Variants in STX11 observed in about 807,000 individuals in gnomAD.
STX11 encodes the protein syntaxin 11.
Under a neutral mutation model 19.9 loss-of-function variants are expected in STX11, and 21 were observed. The ratio of observed to expected loss-of-function variants is 1.06; its 90% CI spans 0.75 to 1.52. STX11 has a LOEUF of 1.52. Ranked by LOEUF, STX11 falls within the 40% of genes most tolerant of loss-of-function variation. The pLI is 0.00. For synonymous variants in STX11, 193 were observed against 174.4 expected, an observed-to-expected ratio of 1.11 and a Z score of -0.84; for missense variants, 438 against 405.9, an observed-to-expected ratio of 1.08 and a Z score of -0.68.
rs778785067 is a variant in STX11 at position 144,191,500 on chromosome 6, C to G, written c.*4009C>G. Among the ~76,000 whole-genome samples, 36 of 147,736 alleles carry G rather than the reference C, an allele frequency of 2.4e-4. No individual in the cohort carries two copies. The highest frequency in any genetic ancestry group is 4.6e-4 in the Non-Finnish European group (31 of 67,336). On this transcript the variant is annotated 3_prime_UTR_variant, in exon 2 of 2. Transcript: ENST00000367568. ...AGGCTCTAACATATAAAGTTCCTAA[C>G]TTGACAGGAAACTACTGAAGATTGT... is the stretch of plus-strand genomic sequence containing the variant.
In STX11 at chr6:144,175,690, A is replaced by G. The variant is rs1801762159; in HGVS notation, c.-5-10933A>G. 6.6e-6 allele frequency among the ~76,000 whole-genome samples: 1 copy of G among 152,208 alleles called. No individual in the cohort carries two copies. The highest frequency in any genetic ancestry group is 2.1e-4 in the South Asian group (1 of 4,830). On this transcript the variant is annotated intron_variant, in intron 1 of 1. Transcript: ENST00000367568. The surrounding 1 kb of genome is among the most constrained non-coding windows in gnomAD (Gnocchi z 5.1). The stretch of plus-strand genomic sequence containing the variant: ...ATCTTTACAGTGAAGGCACTGTGCA[A>G]GCTAGTCATTACAGGCTTTTTCTGC...
Position 144,167,485 on chromosome 6 carries a change from A to G in STX11, c.-6+16782A>G, listed in dbSNP as rs1801514110. ...GCATGACAAAGTTTATGTACATTGAACCATCAGAAAACAAAGGTGTCACTA... is the reference window on the plus strand; with the variant it reads ...GCATGACAAAGTTTATGTACATTGAGCCATCAGAAAACAAAGGTGTCACTA... On this transcript the variant is annotated intron_variant, in intron 1 of 1. Coordinates refer to ENST00000367568, the MANE Select transcript of STX11 (RefSeq NM_003764.4). This position sits in a 1 kb window ranked among gnomAD's most constrained non-coding sequence, Gnocchi z 5.0. Among the ~76,000 whole-genome samples, 1 of 152,272 alleles carries G rather than the reference A, an allele frequency of 6.6e-6. No individual in the cohort carries two copies. Among genetic ancestry groups the G allele is most frequent in the East Asian group, 1.9e-4 (1 of 5,206 alleles).
chr6:144,147,706 T>A (rs1162624734), upstream of STX11, among the ~76,000 whole-genome samples: 1 of 152,132 alleles, frequency 6.6e-6, no homozygotes, highest in Non-Finnish European at 1.5e-5. This position sits in a 1 kb window ranked among gnomAD's most constrained non-coding sequence, Gnocchi z 4.2. Context: ...TTCCTCCCCA[T>A]CCACAATTTA....
the STX11 span, among the ~76,000 whole-genome samples, chr6:144,145,048 T>C: frequency 4.2e-5 from 6 of 144,034 alleles, no homozygotes; most frequent in Non-Finnish European, 6.4e-5. Context: ...TTTCTGGGTA[T>C]ATACCCCCCA....
At chr6:144,148,071 C>T (rs993432967), upstream of STX11, among the ~76,000 whole-genome samples, 2 of 152,166 alleles carry the variant, frequency 1.3e-5, no homozygotes, top group African/African-American at 2.4e-5. Context: ...TTAATCTGTC[C>T]TCAACAAAAC....
In STX11 at chr6:144,151,595, A is replaced by G. The variant is rs1801008699; in HGVS notation, c.-6+892A>G. Reference sequence around the variant, plus strand: ...AAGGCGCCTGATGTTACAACATGCCAGTAAAGGTCACTGGGCTGATCTAAG... The same window carrying G: ...AAGGCGCCTGATGTTACAACATGCCGGTAAAGGTCACTGGGCTGATCTAAG... On this transcript the variant is annotated intron_variant, in intron 1 of 1. Coordinates refer to ENST00000367568, the MANE Select transcript of STX11 (RefSeq NM_003764.4). This position sits in a 1 kb window ranked among gnomAD's most constrained non-coding sequence, Gnocchi z 4.6. Among the ~76,000 whole-genome samples the G allele has an allele frequency of 6.6e-6, 1 of 152,254 alleles. No individual in the cohort carries two copies. Among genetic ancestry groups the G allele is most frequent in the Admixed American group, 6.5e-5 (1 of 15,286 alleles).
chr6:144,141,209 G>C, the STX11 span, among the ~76,000 whole-genome samples: 1 of 152,170 alleles, frequency 6.6e-6, no homozygotes, highest in Non-Finnish European at 1.5e-5. Context: ...ATTATCTCTA[G>C]ATCAGATTTT....
At position 144,175,777 on chromosome 6, in the gene STX11, A is replaced by C. The variant is rs886925131; in HGVS notation, c.-5-10846A>C. ...GGTTGATTAAGGAAGGAACACAGTA[A>C]GTAGCTGCTCCTTACCCACCTGACT... On this transcript the variant is annotated intron_variant, in intron 1 of 1. Transcript: ENST00000367568. This position sits in a 1 kb window ranked among gnomAD's most constrained non-coding sequence, Gnocchi z 5.1. Among the ~76,000 whole-genome samples, 1 of 152,230 alleles carries C rather than the reference A, an allele frequency of 6.6e-6. No individual in the cohort carries two copies. The highest frequency in any genetic ancestry group is 2.4e-5 in the African/African-American group (1 of 41,458).
rs922675881 is a variant in STX11, at chr6:144,167,802, T to C, written c.-6+17099T>C. ...CTCGGCTAATTATTGTAGTTTGTTGTAGAGGTGGGGTTTCACCATGTTATC... is the reference window on the plus strand; with the variant it reads ...CTCGGCTAATTATTGTAGTTTGTTGCAGAGGTGGGGTTTCACCATGTTATC... On this transcript the variant is annotated intron_variant, in intron 1 of 1. Coordinates refer to ENST00000367568, the MANE Select transcript of STX11 (RefSeq NM_003764.4). This position sits in a 1 kb window ranked among gnomAD's most constrained non-coding sequence, Gnocchi z 5.0. Among the ~76,000 whole-genome samples the C allele has an allele frequency of 6.6e-6, 1 of 152,096 alleles. No homozygotes were observed. The highest frequency in any genetic ancestry group is 2.4e-5 in the African/African-American group (1 of 41,418).
At chr6:144,161,254 A>G (rs952486920) in intron 1 of STX11, among the ~76,000 whole-genome samples, 1 of 152,234 alleles carries the variant, frequency 6.6e-6, no homozygotes, top group Non-Finnish European at 1.5e-5. Flanking sequence ...TAGAGGATGA[A>G]ACGTATTCCT....
Position 144,160,699 on chromosome 6 carries a change from G to A in STX11, c.-6+9996G>A, listed in dbSNP as rs4142550. Reference sequence around the variant, plus strand: ...GCAGCACTTACTAGATGTAGGTGGAGTTATGTAATCCTCTGCTGTGTCCCA... The same window carrying A: ...GCAGCACTTACTAGATGTAGGTGGAATTATGTAATCCTCTGCTGTGTCCCA... On this transcript the variant is annotated intron_variant, in intron 1 of 1. Transcript: ENST00000367568. The surrounding 1 kb of genome is among the most constrained non-coding windows in gnomAD (Gnocchi z 4.3). Among the ~76,000 whole-genome samples the A allele has an allele frequency of 0.066, 9,987 of 152,216 alleles. 468 individuals are homozygous for A. Among genetic ancestry groups the A allele is most frequent in the East Asian group, 0.23 (1,166 of 5,170 alleles).
Position 144,174,106 on chromosome 6 carries a change from G to C in STX11, c.-5-12517G>C, listed in dbSNP as rs17073472. ...TTTTGTTAGGTTAGCTGGTGGTTGT[G>C]CTCAGCCTCGAGTACTGCTCAGCTG... On this transcript the variant is annotated intron_variant, in intron 1 of 1. Coordinates refer to ENST00000367568, the MANE Select transcript of STX11 (RefSeq NM_003764.4). This position sits in a 1 kb window ranked among gnomAD's most constrained non-coding sequence, Gnocchi z 5.3. Among the ~76,000 whole-genome samples the C allele has an allele frequency of 0.082, 12,477 of 152,220 alleles. 781 individuals carry two copies. Among genetic ancestry groups the C allele is most frequent in the East Asian group, 0.25 (1,299 of 5,174 alleles).
In STX11 at chr6:144,155,146, C is replaced by A. The variant is rs9496886; in HGVS notation, c.-6+4443C>A. Reference sequence around the variant, plus strand: ...GACTGTCTGAAGATTCCCAGAGCTTCAACCATTATGTCCACAAAGCTGCCT... The same window carrying A: ...GACTGTCTGAAGATTCCCAGAGCTTAAACCATTATGTCCACAAAGCTGCCT... On this transcript the variant is annotated intron_variant, in intron 1 of 1. Coordinates refer to ENST00000367568, the MANE Select transcript of STX11 (RefSeq NM_003764.4). This position sits in a 1 kb window ranked among gnomAD's most constrained non-coding sequence, Gnocchi z 4.5. Among the ~76,000 whole-genome samples the A allele has an allele frequency of 0.054, 8,173 of 152,248 alleles. 691 individuals are homozygous for A. The highest frequency in any genetic ancestry group is 0.18 in the African/African-American group (7,449 of 41,494).
At position 144,180,567 on chromosome 6, in the gene STX11, G is replaced by A. The variant is rs945760512; in HGVS notation, c.-5-6056G>A. Among the ~76,000 whole-genome samples the A allele has an allele frequency of 3.6e-4, 54 of 152,056 alleles. No homozygotes were observed. The highest frequency in any genetic ancestry group is 1.3e-3 in the African/African-American group (52 of 41,406). On this transcript the variant is annotated intron_variant, in intron 1 of 1. Coordinates refer to ENST00000367568, the MANE Select transcript of STX11 (RefSeq NM_003764.4). This position sits in a 1 kb window ranked among gnomAD's most constrained non-coding sequence, Gnocchi z 5.3. ...TTTTGCTCCTTCCTCATTTTCTCTT[G>A]CCACCACAATGTAAGAAGTGCCTTT...
intron 1 of STX11, among the ~76,000 whole-genome samples, chr6:144,185,468 TA>T (rs1359330794): frequency 6.6e-6 from 1 of 152,226 alleles, no homozygotes; most frequent in Non-Finnish European, 1.5e-5. Flanking sequence ...TACATGCTAC[TA>T]AAAATGAAAG....
rs1183083671 is a variant in STX11, at chr6:144,188,730, T to TTTTC, written c.*1242_*1243insCTTT. ...TGTTAAAATTTTTCTTTTTCCTTTT[T>TTTTC]TTTTTTTTTTTTTTGAGATGGAGTC... On this transcript the variant is annotated 3_prime_UTR_variant, in exon 2 of 2. Transcript: ENST00000367568. 7.0e-6 allele frequency among the ~76,000 whole-genome samples: 1 copy of TTTTC among 143,706 alleles called. No individual in the cohort carries two copies. The highest frequency in any genetic ancestry group is 2.6e-5 in the African/African-American group (1 of 38,810). 94.3% of individuals were successfully genotyped at this position (143,706 alleles called of 152,430 possible).
At position 144,162,202 on chromosome 6, in the gene STX11, A is replaced by G. The variant is rs377037583; in HGVS notation, c.-6+11499A>G. On this transcript the variant is annotated intron_variant, in intron 1 of 1. Transcript: ENST00000367568. This position sits in a 1 kb window ranked among gnomAD's most constrained non-coding sequence, Gnocchi z 4.6. ...ACCAAACCCAACTTGTTATTACCCC[A>G]CCATCACGCCCTTTCCCGTAGATAC... Among the ~76,000 whole-genome samples the G allele has an allele frequency of 3.3e-5, 5 of 152,164 alleles. No homozygotes were observed. Among genetic ancestry groups the G allele is most frequent in the African/African-American group, 7.2e-5 (3 of 41,512 alleles).
At position 144,187,517 on chromosome 6, in the gene STX11, C is replaced by A; in HGVS notation, c.*26C>A. 4 of 1,611,746 alleles carry A rather than the reference C, an allele frequency of 2.5e-6. No homozygotes were observed. The highest frequency in any genetic ancestry group is 3.4e-6 in the Non-Finnish European group (4 of 1,179,904). ...CAGGCCGGCCCGGGCCGCCACCGCC[C>A]ATCCCAGACCATGGAGCGCGCTGGG... On this transcript the variant is annotated 3_prime_UTR_variant, in exon 2 of 2. Transcript: ENST00000367568. This position sits in a 1 kb window ranked among gnomAD's most constrained non-coding sequence, Gnocchi z 5.6.
intron 1 of STX11, among the ~76,000 whole-genome samples, chr6:144,179,160 A>G (rs1266690737): frequency 1.3e-5 from 2 of 152,194 alleles, no homozygotes; most frequent in Non-Finnish European, 1.5e-5. Flanking sequence ...AGAGGATGCA[A>G]AAGCAGAAAC....
Sources: gnomAD v4.1 joint callset for allele counts (sites outside exome capture counted in the v4.1 genomes callset) on GRCh38, gnomAD v4.1.1 for gene constraint, Gnocchi (gnomAD v3.1) non-coding constraint, MANE v1.5 for transcripts, NCBI Gene and HGNC (gene_info 2026-07-23, HGNC 2026-07-21) for gene names.